The following ZC3H13 variants were observed in gnomAD, a reference collection of about 807,000 sequenced individuals.
ZC3H13 encodes zinc finger CCCH domain-containing protein 13.
ZC3H13 carries 64 observed loss-of-function variants against 204.1 expected under a neutral mutation model. That is an observed-to-expected ratio of 0.31 (90% CI 0.26 to 0.39). The LOEUF is 0.39. ZC3H13 is among the 10% of genes least tolerant of loss of function. The pLI is 1.00. For synonymous variants in ZC3H13, 667 were observed against 693.7 expected (o/e 0.96, Z 0.60); for missense variants, 1,833 against 2,082.7 (o/e 0.88, Z 2.33).
chr13:45,988,725 AG>A, intron 9 of ZC3H13, 61 bp downstream of exon 9: 1 of 1,518,584 alleles, frequency 6.6e-7, no homozygotes, highest in Non-Finnish European at 8.9e-7. Context: ...TCCATCTCTT[AG>A]TACAACAATA....
intron 8 of ZC3H13, among the ~76,000 whole-genome samples, chr13:45,999,536 A>G (rs2040591695): frequency 6.6e-6 from 1 of 152,228 alleles, no homozygotes; most frequent in South Asian, 2.1e-4. Flanking sequence ...CAATTCAGTT[A>G]CATCTTCAGG....
intron 4 of ZC3H13, among the ~76,000 whole-genome samples, chr13:46,031,538 T>C (rs1355091089): frequency 6.6e-6 from 1 of 151,908 alleles, no homozygotes. Flanking sequence ...AGAAGACATA[T>C]GCAATAAGGA....
intron 11 of ZC3H13, among the ~76,000 whole-genome samples, chr13:45,977,090 AT>A (rs1379873512): frequency 6.6e-6 from 1 of 152,296 alleles, no homozygotes; most frequent in East Asian, 1.9e-4. Flanking sequence ...AAAAACAGAA[AT>A]TATGGTCCAG....
chr13:46,052,342 C>T (rs1403214342), intron 1 of ZC3H13, 62 bp downstream of exon 1: 3 of 393,240 alleles, frequency 7.6e-6, no homozygotes, highest in African/African-American at 2.1e-5. Flanking sequence ...ACCCGGGCCT[C>T]CGCATTACGG....
chr13:46,012,268 T>G (rs955265262), intron 5 of ZC3H13, among the ~76,000 whole-genome samples: 1 of 151,768 alleles, frequency 6.6e-6, no homozygotes, highest in African/African-American at 2.4e-5. Context: ...ATCTATTTCA[T>G]TAAAATACAT....
intron 12 of ZC3H13, among the ~76,000 whole-genome samples, chr13:45,974,992 C>T (rs1046164103): frequency 3.3e-5 from 5 of 151,908 alleles, no homozygotes; most frequent in African/African-American, 9.7e-5. Context: ...GATACAGGCA[C>T]GTGCCACCAC....
chr13:45,995,817 G>C (rs1263732253), intron 8 of ZC3H13, among the ~76,000 whole-genome samples: 1 of 152,108 alleles, frequency 6.6e-6, no homozygotes, highest in African/African-American at 2.4e-5. Flanking sequence ...TTCTTTATAA[G>C]TTACCTTGTC....
intron 4 of ZC3H13, among the ~76,000 whole-genome samples, chr13:46,040,798 A>C (rs2043525221): frequency 6.6e-6 from 1 of 152,200 alleles, no homozygotes; most frequent in African/African-American, 2.4e-5. Flanking sequence ...GAATCTCCAA[A>C]GAAAATATAC....
chr13:45,964,029 C>T lies in ZC3H13; in HGVS notation c.4488G>A (p.Val1496=). ...TAAGACCAGACCAATCCACATCTAT[C>T]ACATCTAAGGGATCTGTAAAAAGTT... The part of the protein sequence containing the change: ...DEEKMPDPLD[V]IDVDWSGLMP... Residue 1496 remains valine (V), a synonymous_variant, in exon 17 of 19, where the codon GTG becomes GTA. Transcript: ENST00000679008. 6.2e-7 allele frequency: 1 copy of T among 1,613,540 alleles called. No homozygotes were observed. Among genetic ancestry groups the T allele is most frequent in the Non-Finnish European group, 8.5e-7 (1 of 1,179,852 alleles).
In ZC3H13 at chr13:45,957,245, A is replaced by G; in HGVS notation, c.4892T>C (p.Leu1631Pro). 6.5e-7 allele frequency: 1 copy of G among 1,548,290 alleles called. No homozygotes were observed. The highest frequency in any genetic ancestry group is 8.7e-7 in the Non-Finnish European group (1 of 1,145,682). ...TSAPMVDNEL[L>P]RLSLRLFKRK... ...CTTAAATAACCGAAGACTCAATCGA[A>G]GTAATTCATTGTCTACCATTGGAGC... Residue 1631 changes from leucine (L) to proline (P), a missense_variant, in exon 19 of 19, where the codon CTT (leucine) becomes CCT (proline). By Grantham distance (98) the Leu-to-Pro change is moderately conservative (BLOSUM62 -3). Around this residue, in one of 5 missense-constraint regions of ZC3H13, gnomAD observed 211 missense variants for 228.4 expected, o/e 0.92. Transcript: ENST00000679008.
intron 8 of ZC3H13, among the ~76,000 whole-genome samples, chr13:46,000,784 T>C (rs1268825307): frequency 6.6e-6 from 1 of 152,210 alleles, no homozygotes; most frequent in African/African-American, 2.4e-5. Context: ...ACCTAAGTTT[T>C]CAGTATGCCT....
chr13:46,043,675 T>C lies in ZC3H13; in HGVS notation c.227+1280A>G, dbSNP rs568624867. Among the ~76,000 whole-genome samples, 6 of 152,010 alleles carry C rather than the reference T, an allele frequency of 3.9e-5. No homozygotes were observed. The East Asian group carries it at 1.2e-3, about 29-fold the overall frequency. ...ATGTTTTTCCTCCCGACAAAAAAAA[T>C]GCACAAATACGAAAGAAGTTATCAG... On this transcript the variant is annotated intron_variant, in intron 3 of 18. Transcript: ENST00000679008.
In ZC3H13 at chr13:45,975,373, T is replaced by C. The variant is rs892023973; in HGVS notation, c.2378A>G (p.Lys793Arg). Residue 793 changes from lysine (K) to arginine (R), a missense_variant, in exon 12 of 19, where the codon AAA (lysine) becomes AGA (arginine). Around this residue, in one of 5 missense-constraint regions of ZC3H13, gnomAD observed 1,574 missense variants for 1,757.2 expected, o/e 0.90. Coordinates refer to ENST00000679008, the MANE Select transcript of ZC3H13 (RefSeq NM_001330564.2). ...TCTGCGGTCATCTCGTCCTTTGTCT[T>C]TGTCTTCCCAATCCCTTTGGCGTTC... ...ERERQRDWED[K>R]DKGRDDRREK... 2.5e-6 allele frequency: 4 copies of C among 1,614,152 alleles called. No homozygotes were observed. The highest frequency in any genetic ancestry group is 2.2e-5 in the East Asian group (1 of 44,880).
intron 8 of ZC3H13, among the ~76,000 whole-genome samples, chr13:45,998,744 T>A (rs908180304): frequency 8.5e-5 from 13 of 152,144 alleles, no homozygotes; most frequent in Admixed American, 7.9e-4. Context: ...GTTTTAACCG[T>A]TTTGTGGGTA....
chr13:46,039,509 A>C (rs1402875739), intron 4 of ZC3H13, among the ~76,000 whole-genome samples: 3 of 152,252 alleles, frequency 2.0e-5, no homozygotes. Flanking sequence ...ATAAGGAGAC[A>C]AGAAGAAGAG....
At chr13:46,007,994 T>G (rs1392833565) in intron 7 of ZC3H13, among the ~76,000 whole-genome samples, 2 of 152,112 alleles carry the variant, frequency 1.3e-5, no homozygotes, top group Non-Finnish European at 2.9e-5. Flanking sequence ...TCAGGACAAA[T>G]CTTACTATCA....
At chr13:46,048,800 T>C (rs1014220203) in intron 1 of ZC3H13, among the ~76,000 whole-genome samples, 31 of 151,956 alleles carry the variant, frequency 2.0e-4, no homozygotes, top group South Asian at 4.1e-4. Flanking sequence ...CAGCTACTAC[T>C]GTACTGAGTC....
chr13:46,031,507 T>C (rs567510581), intron 4 of ZC3H13, among the ~76,000 whole-genome samples: 60 of 152,036 alleles, frequency 3.9e-4, no homozygotes, highest in African/African-American at 1.3e-3. Flanking sequence ...AGACAAGCCA[T>C]AGACTGGGAA....
chr13:45,997,685 G>T (rs1423751173), intron 8 of ZC3H13, among the ~76,000 whole-genome samples: 5 of 152,118 alleles, frequency 3.3e-5, no homozygotes, highest in Non-Finnish European at 7.3e-5. Flanking sequence ...TAAAGTCAGA[G>T]GATCGTGTAG....
Sources: allele counts gnomAD v4.1 joint callset (sites outside exome capture counted in the v4.1 genomes callset), GRCh38; gene constraint gnomAD v4.1.1; regional missense constraint gnomAD v4.1.1; transcripts MANE v1.5; gene names NCBI Gene and HGNC (gene_info 2026-07-23, HGNC 2026-07-21).